COL25A1: variants seen among roughly 807,000 people sequenced by gnomAD.
COL25A1 encodes the protein collagen type XXV alpha 1 chain, also known as collagen alpha-1(XXV) chain.
A neutral mutation model predicts 128.4 loss-of-function variants in COL25A1; 103 were observed. The observed-to-expected ratio is 0.80, with a 90% CI of 0.68 to 0.94. The LOEUF is 0.94. Among genes scored for constraint, COL25A1 ranks in the 40% least tolerant of loss-of-function variants. The pLI, the probability that COL25A1 is intolerant of heterozygous loss-of-function variation, is 0.00. For synonymous variants in COL25A1, 279 were observed against 277.2 expected, an observed-to-expected ratio of 1.01 and a Z score of -0.06; for missense variants, 745 against 840.0, an observed-to-expected ratio of 0.89 and a Z score of 1.40.
At chr4:108,847,733 A>G (rs1188198626) in intron 27 of COL25A1, among the ~76,000 whole-genome samples, 2 of 152,180 alleles carry the variant, frequency 1.3e-5, no homozygotes, top group Non-Finnish European at 2.9e-5. Flanking sequence ...TGATATAGCA[A>G]ATCATCTAAG....
intron 6 of COL25A1, among the ~76,000 whole-genome samples, chr4:108,979,724 GA>G (rs1467937563): frequency 6.6e-6 from 1 of 152,172 alleles, no homozygotes; most frequent in Non-Finnish European, 1.5e-5. Flanking sequence ...CATTGCTGTA[GA>G]AATATGAGGA....
intron 5 of COL25A1, among the ~76,000 whole-genome samples, chr4:109,017,418 C>A (rs1242052902): frequency 1.3e-5 from 2 of 152,238 alleles, no homozygotes. Flanking sequence ...AAAGGTGCCA[C>A]TGGCCACAAA....
At chr4:108,863,097 A>G (rs959526581) in intron 21 of COL25A1, among the ~76,000 whole-genome samples, 2 of 152,214 alleles carry the variant, frequency 1.3e-5, no homozygotes, top group African/African-American at 4.8e-5. Flanking sequence ...CACTTCTTTT[A>G]CATTTGGATA....
intron 3 of COL25A1, among the ~76,000 whole-genome samples, chr4:109,076,105 C>T (rs377299146): frequency 1.8e-4 from 27 of 152,206 alleles, no homozygotes; most frequent in African/African-American, 6.3e-4. Context: ...GGAGAATATG[C>T]ATAGCTTATA....
At position 109,113,388 on chromosome 4, in the gene COL25A1, A is replaced by AAAG. The variant is rs570876384; in HGVS notation, c.368-63212_368-63210dup. Among the ~76,000 whole-genome samples the AAAG allele has an allele frequency of 1.2e-3, 188 of 151,772 alleles. 2 individuals are homozygous for AAAG. Among genetic ancestry groups the AAAG allele is most frequent in the Non-Finnish European group, 1.6e-4 (11 of 67,860 alleles). On this transcript the variant is annotated intron_variant, in intron 3 of 37. Coordinates refer to ENST00000399132, the MANE Select transcript of COL25A1 (RefSeq NM_198721.4). ...AATAACACAAGAGAATTTTTAACAC[A>AAAG]AAGTTCTGTCTTGATGGCTTAACAT...
In COL25A1 at chr4:108,996,978, T is replaced by C. The variant is rs376402764; in HGVS notation, c.438+13380A>G. ...AATCACTGGGACACATTTAAAGCAG[T>C]GTGTAGAGGGAAATTTATAGCACCA... On this transcript the variant is annotated intron_variant, in intron 6 of 37. Coordinates refer to ENST00000399132, the MANE Select transcript of COL25A1 (RefSeq NM_198721.4). Among the ~76,000 whole-genome samples, 48 of 152,288 alleles carry C rather than the reference T, an allele frequency of 3.2e-4. No homozygotes were observed. In the South Asian group the frequency reaches 1.0e-2, roughly 32 times the overall value.
intron 3 of COL25A1, among the ~76,000 whole-genome samples, chr4:109,211,260 GT>G (rs1777492515): frequency 9.0e-6 from 1 of 111,238 alleles, no homozygotes; most frequent in Non-Finnish European, 2.2e-5. Flanking sequence ...CAATATATAT[GT>G]ATATATATGA....
chr4:109,030,212 C>A (rs1758703997), intron 5 of COL25A1, among the ~76,000 whole-genome samples: 1 of 152,162 alleles, frequency 6.6e-6, no homozygotes, highest in Non-Finnish European at 1.5e-5. Context: ...ACAAGATAGG[C>A]TATGAAAGAA....
intron 3 of COL25A1, among the ~76,000 whole-genome samples, chr4:109,053,167 C>T (rs571774501): frequency 1.3e-5 from 2 of 152,074 alleles, no homozygotes; most frequent in East Asian, 3.9e-4. Flanking sequence ...AACCAGATTG[C>T]TCTTCAGGAT....
At chr4:108,966,912 A>G (rs1431568270) in intron 8 of COL25A1, among the ~76,000 whole-genome samples, 1 of 147,020 alleles carries the variant, frequency 6.8e-6, no homozygotes, top group Non-Finnish European at 1.5e-5. Flanking sequence ...GAAGGGAAAA[A>G]GGAAAGAGAG....
chr4:108,900,861 C>A (rs189828723), intron 14 of COL25A1, among the ~76,000 whole-genome samples: 1 of 152,124 alleles, frequency 6.6e-6, no homozygotes, highest in Non-Finnish European at 1.5e-5. Flanking sequence ...TAGGCCTATT[C>A]ATGTTATTTA....
chr4:109,093,457 GAAAA>G (rs564834752), intron 3 of COL25A1, among the ~76,000 whole-genome samples: 1 of 69,456 alleles, frequency 1.4e-5, no homozygotes, highest in African/African-American at 6.7e-5. Context: ...CCATCTCTAT[GAAAA>G]AAAAAAAAAA....
intron 3 of COL25A1, among the ~76,000 whole-genome samples, chr4:109,157,848 T>C (rs1772180598): frequency 6.6e-6 from 1 of 152,172 alleles, no homozygotes; most frequent in Non-Finnish European, 1.5e-5. Flanking sequence ...CTAGCACGTG[T>C]CCATACAGCC....
At chr4:109,031,071 C>A (rs148256706) in intron 5 of COL25A1, among the ~76,000 whole-genome samples, 1 of 151,706 alleles carries the variant, frequency 6.6e-6, no homozygotes, top group Non-Finnish European at 1.5e-5. Context: ...TTCAGGATAA[C>A]TACTATGCAG....
chr4:108,989,916 A>G (rs1033897093), intron 6 of COL25A1, among the ~76,000 whole-genome samples: 3 of 152,202 alleles, frequency 2.0e-5, no homozygotes, highest in Admixed American at 6.6e-5. Flanking sequence ...GCTAGGATAT[A>G]AAAATTACCA....
intron 6 of COL25A1, among the ~76,000 whole-genome samples, chr4:108,982,507 G>A (rs928652332): frequency 2.2e-4 from 33 of 151,940 alleles, no homozygotes; most frequent in African/African-American, 7.3e-4. Context: ...AGAAAAGAAT[G>A]CAATAAAACT....
chr4:109,019,373 CACATATATAT>C (rs1221142296), intron 5 of COL25A1, among the ~76,000 whole-genome samples: 6 of 31,906 alleles, frequency 1.9e-4, no homozygotes, highest in African/African-American at 1.2e-3. Flanking sequence ...CACACACACA[CACATATATAT>C]ATATATATAT....
intron 3 of COL25A1, among the ~76,000 whole-genome samples, chr4:109,278,117 AG>A (rs1378491434): frequency 6.6e-6 from 1 of 152,022 alleles, no homozygotes; most frequent in African/African-American, 2.4e-5. Flanking sequence ...CCTGGGCAAC[AG>A]AGCGAGACTC....
rs70949061 is a variant in COL25A1 at position 108,974,562 on chromosome 4, GA to G, written c.439-4del. The stretch of plus-strand genomic sequence containing the variant: ...TCGCCTTTTGGACCAGGAGGGCCCT[GA>G]AAAAAAGAAAGAGAAAAAAAATTTT... On this transcript the variant is annotated splice_region_variant and splice_polypyrimidine_tract_variant and intron_variant, in intron 6 of 37. Transcript: ENST00000399132. 683,126 of 1,588,320 alleles carry G rather than the reference GA, an allele frequency of 0.43. 149,514 individuals are homozygous for G. Among genetic ancestry groups the G allele is most frequent in the South Asian group, 0.46 (39,295 of 84,886 alleles).
Sources: gnomAD v4.1 joint callset for allele counts (sites outside exome capture counted in the v4.1 genomes callset) on GRCh38, gnomAD v4.1.1 for gene constraint, MANE v1.5 for transcripts, NCBI Gene and HGNC (gene_info 2026-07-23, HGNC 2026-07-21) for gene names.